CADM2: variants seen among roughly 807,000 people sequenced by gnomAD.
CADM2 encodes immunoglobulin superfamily member 4D.
Under a neutral mutation model 49.8 loss-of-function variants are expected in CADM2, and 12 were observed. The ratio of observed to expected loss-of-function variants is 0.24; its 90% confidence interval spans 0.15 to 0.39. The LOEUF (loss-of-function observed/expected upper bound fraction) is 0.39. Ranked by LOEUF, CADM2 falls within the 10% of genes least tolerant of loss-of-function variation. The probability of loss-of-function intolerance (pLI) is 1.00; values close to 1 mark genes in which losing one functional copy is unlikely to be tolerated. For synonymous variants in CADM2, 214 were observed against 175.4 expected (o/e 1.22, Z -1.74); for missense variants, 378 against 492.3 (o/e 0.77, Z 2.20).
chr3:85,432,397 A>C (rs2036722687), intron 1 of CADM2, among the ~76,000 whole-genome samples: 1 of 152,050 alleles, frequency 6.6e-6, no homozygotes, highest in African/African-American at 2.4e-5. Flanking sequence ...GAAAAGGTTC[A>C]AGAATTTCTG....
intron 3 of CADM2, among the ~76,000 whole-genome samples, chr3:85,858,285 C>T (rs965924380): frequency 6.6e-6 from 1 of 152,152 alleles, no homozygotes; most frequent in African/African-American, 2.4e-5. Flanking sequence ...TTCATTAACC[C>T]TTGAGGAATT....
intron 8 of CADM2, among the ~76,000 whole-genome samples, chr3:86,028,503 G>GT (rs1229808661): frequency 2.0e-5 from 3 of 152,068 alleles, no homozygotes; most frequent in Non-Finnish European, 4.4e-5. Context: ...TTTCAAAAAT[G>GT]TTTTTTCAAA....
At chr3:85,869,435 T>G (rs2075837141) in intron 3 of CADM2, among the ~76,000 whole-genome samples, 1 of 152,170 alleles carries the variant, frequency 6.6e-6, no homozygotes, top group South Asian at 2.1e-4. Context: ...TTCCCTTTTG[T>G]TTTACAATTA....
intron 1 of CADM2, among the ~76,000 whole-genome samples, chr3:85,223,787 T>A (rs2042090804): frequency 6.6e-6 from 1 of 152,004 alleles, no homozygotes. Context: ...GCTTTGTGAT[T>A]TTCTCCTCCC....
At chr3:85,199,808 G>A (rs973430195) in intron 1 of CADM2, among the ~76,000 whole-genome samples, 4 of 151,916 alleles carry the variant, frequency 2.6e-5, no homozygotes, top group Admixed American at 6.6e-5. Flanking sequence ...TAAAAAGTCC[G>A]AGTTAAAAAT....
chr3:85,443,547 T>C (rs2037306823), intron 1 of CADM2, among the ~76,000 whole-genome samples: 1 of 152,182 alleles, frequency 6.6e-6, no homozygotes, highest in African/African-American at 2.4e-5. Flanking sequence ...ATTTTGCTTT[T>C]GTCAAGATCA....
intron 1 of CADM2, among the ~76,000 whole-genome samples, chr3:85,213,790 T>C (rs2041860281): frequency 6.6e-6 from 1 of 152,092 alleles, no homozygotes; most frequent in Non-Finnish European, 1.5e-5. Context: ...CCTCTGTGTA[T>C]TTTCAAATGG....
intron 1 of CADM2, among the ~76,000 whole-genome samples, chr3:84,962,284 A>AAAAG (rs1257410744): frequency 6.6e-5 from 10 of 151,904 alleles, no homozygotes; most frequent in Non-Finnish European, 1.2e-4. Context: ...AAAAAAAAAA[A>AAAAG]AAAGAAAGAA....
chr3:85,826,083 A>G (rs2073894602), intron 3 of CADM2, among the ~76,000 whole-genome samples: 1 of 152,076 alleles, frequency 6.6e-6, no homozygotes. Flanking sequence ...GTATCATGAC[A>G]GTATAATTGT....
chr3:84,992,570 A>C (rs977406851), intron 1 of CADM2, among the ~76,000 whole-genome samples: 3 of 152,154 alleles, frequency 2.0e-5, no homozygotes, highest in African/African-American at 7.2e-5. Flanking sequence ...CGGAGGTTGC[A>C]GTGAGCCGAG....
In CADM2 at chr3:85,157,222, C is replaced by T. The variant is rs951015340; in HGVS notation, c.61+197554C>T. On this transcript the variant is annotated intron_variant, in intron 1 of 9. Transcript: ENST00000383699. Reference sequence around the variant, plus strand: ...AACAAATGGAAGTACATTCCATGCTCATGGGTAGGAAGAATCAATATCGTG... The same window carrying T: ...AACAAATGGAAGTACATTCCATGCTTATGGGTAGGAAGAATCAATATCGTG... 3.9e-4 allele frequency among the ~76,000 whole-genome samples: 60 copies of T among 152,110 alleles called. 2 individuals are homozygous for T. The highest frequency in any genetic ancestry group is 3.7e-3 in the Admixed American group (56 of 15,284).
chr3:85,994,801 A>G (rs1729171338), intron 8 of CADM2: 1 of 152,126 alleles, frequency 6.6e-6, no homozygotes, highest in Non-Finnish European at 1.5e-5. Flanking sequence ...GCCTTCCTAT[A>G]TGAGCATGGT....
intron 1 of CADM2, among the ~76,000 whole-genome samples, chr3:85,143,540 C>G (rs573175872): frequency 6.6e-6 from 1 of 152,090 alleles, no homozygotes; most frequent in Non-Finnish European, 1.5e-5. Flanking sequence ...TTTCAACGAC[C>G]TTTTCACCTA....
rs544141055 is a variant in CADM2 at position 85,889,424 on chromosome 3, G to A, written c.529+3097G>A. Among the ~76,000 whole-genome samples, 5 of 152,278 alleles carry A rather than the reference G, an allele frequency of 3.3e-5. No homozygotes were observed. The East Asian group carries it at 9.7e-4, about 29-fold the overall frequency. On this transcript the variant is annotated intron_variant, in intron 5 of 9. Coordinates refer to ENST00000383699, the MANE Select transcript of CADM2 (RefSeq NM_001167675.2). ...GATCCAAGATTTTCTGGTGGAGCAG[G>A]CCCACGGGGGAGCCTGAAAATGTGC...
At chr3:85,717,543 T>C (rs749063713) in intron 1 of CADM2, among the ~76,000 whole-genome samples, 7 of 152,202 alleles carry the variant, frequency 4.6e-5, no homozygotes, top group Non-Finnish European at 8.8e-5. Context: ...ATAGGAGTTA[T>C]GTGAGAGGGC....
chr3:84,984,064 C>T (rs1384237320), intron 1 of CADM2, among the ~76,000 whole-genome samples: 1 of 151,592 alleles, frequency 6.6e-6, no homozygotes, highest in African/African-American at 2.4e-5. Context: ...CACACACACA[C>T]ACACACACAC....
At chr3:84,975,844 A>G (rs1037195916) in intron 1 of CADM2, among the ~76,000 whole-genome samples, 5 of 151,898 alleles carry the variant, frequency 3.3e-5, no homozygotes, top group African/African-American at 7.2e-5. Context: ...ACTAATAAGC[A>G]TAAGTGAATG....
chr3:85,241,998 C>A (rs1359979789), intron 1 of CADM2, among the ~76,000 whole-genome samples: 1 of 150,904 alleles, frequency 6.6e-6, no homozygotes, highest in East Asian at 1.9e-4. Flanking sequence ...GCATGCCCCA[C>A]ATGATTCCTT....
chr3:85,817,404 A>G (rs1455884515), intron 3 of CADM2, among the ~76,000 whole-genome samples: 1 of 152,158 alleles, frequency 6.6e-6, no homozygotes. Context: ...AAATACACAT[A>G]GTCCACCCTT....
Sources: gnomAD v4.1 joint callset for allele counts (sites outside exome capture counted in the v4.1 genomes callset) on GRCh38, gnomAD v4.1.1 for gene constraint, MANE v1.5 for transcripts, NCBI Gene and HGNC (gene_info 2026-07-23, HGNC 2026-07-21) for gene names.